Variants in PCSK2 observed in about 807,000 individuals in gnomAD.
PCSK2 encodes the protein neuroendocrine convertase 2.
In PCSK2, 14 loss-of-function variants were observed where a neutral mutation model predicts 69.7. That is an observed-to-expected ratio of 0.20 (90% CI 0.13 to 0.31). The LOEUF is 0.31. Ranked by LOEUF, PCSK2 falls within the 10% of genes least tolerant of loss-of-function variation. PCSK2 has a pLI of 1.00. For synonymous variants in PCSK2, 307 were observed against 320.7 expected, an observed-to-expected ratio of 0.96 and a Z score of 0.46; for missense variants, 544 against 842.5, an observed-to-expected ratio of 0.65 and a Z score of 4.39.
intron 1 of PCSK2, 85 bp from the exon 2 acceptor site, chr20:17,260,155 C>T (rs2122997968): frequency 2.4e-6 from 2 of 830,844 alleles, no homozygotes; most frequent in Middle Eastern, 2.3e-4. Context: ...CATGGAGCCC[C>T]TGCAAGCAGC....
intron 2 of PCSK2, among the ~76,000 whole-genome samples, chr20:17,278,818 C>T (rs189601202): frequency 4.0e-5 from 6 of 151,650 alleles, no homozygotes; most frequent in Admixed American, 3.9e-4. Context: ...AGTTCAAGAC[C>T]AGCCTGGGCA....
chr20:17,282,378 A>G (rs2123048299), intron 2 of PCSK2, among the ~76,000 whole-genome samples: 1 of 152,246 alleles, frequency 6.6e-6, no homozygotes, highest in East Asian at 1.9e-4. Flanking sequence ...TTAGTCTGCC[A>G]TTTGCACTGA....
At chr20:17,335,628 C>A (rs929341571) in intron 2 of PCSK2, among the ~76,000 whole-genome samples, 45 of 151,960 alleles carry the variant, frequency 3.0e-4, no homozygotes, top group African/African-American at 1.0e-3. Flanking sequence ...AGTGTGTAGT[C>A]TTTTATCCCT....
intron 11 of PCSK2, among the ~76,000 whole-genome samples, chr20:17,473,016 C>T (rs1214263453): frequency 1.3e-5 from 2 of 151,746 alleles, no homozygotes; most frequent in African/African-American, 4.8e-5. Flanking sequence ...CCCGACAACC[C>T]CAAGTTTGTC....
At chr20:17,449,254 C>T (rs546714920) in intron 8 of PCSK2, among the ~76,000 whole-genome samples, 7 of 152,220 alleles carry the variant, frequency 4.6e-5, no homozygotes, top group East Asian at 1.9e-4. Flanking sequence ...GAGACCCCGC[C>T]CCCCAGCAGA....
chr20:17,359,441 T>C (rs1296511434), intron 3 of PCSK2, among the ~76,000 whole-genome samples: 1 of 152,236 alleles, frequency 6.6e-6, no homozygotes, highest in African/African-American at 2.4e-5. Flanking sequence ...TAATGCTTCA[T>C]AATTGCTCAG....
At chr20:17,253,023 A>T (rs1987046507) in intron 1 of PCSK2, among the ~76,000 whole-genome samples, 1 of 152,216 alleles carries the variant, frequency 6.6e-6, no homozygotes, top group Non-Finnish European at 1.5e-5. Context: ...CTTTTCGGTG[A>T]ATCTTGGAAT....
chr20:17,292,673 A>G (rs747601562), intron 2 of PCSK2, among the ~76,000 whole-genome samples: 1 of 152,198 alleles, frequency 6.6e-6, no homozygotes, highest in Admixed American at 6.5e-5. Flanking sequence ...AGAATATGGC[A>G]TATCTCAATT....
At chr20:17,268,033 G>GTATGTATATATATATATATATATATA (rs1433692727) in intron 2 of PCSK2, among the ~76,000 whole-genome samples, 2 of 66,338 alleles carry the variant, frequency 3.0e-5, no homozygotes, top group African/African-American at 6.0e-5. Context: ...TATCCAATGT[G>GTATGTATATATATATATATATATATA]TATATATATA....
chr20:17,336,429 T>C (rs1990352799), intron 2 of PCSK2, among the ~76,000 whole-genome samples: 1 of 152,224 alleles, frequency 6.6e-6, no homozygotes, highest in Non-Finnish European at 1.5e-5. Flanking sequence ...CCTGCTTTCC[T>C]CCCCAGCACT....
intron 2 of PCSK2, among the ~76,000 whole-genome samples, chr20:17,315,933 G>C (rs1202676264): frequency 1.3e-5 from 2 of 152,210 alleles, no homozygotes; most frequent in African/African-American, 4.8e-5. Flanking sequence ...CCACTCCCCA[G>C]GGTTAAAAAT....
chr20:17,238,718 C>T (rs1487755311), intron 1 of PCSK2, among the ~76,000 whole-genome samples: 1 of 152,064 alleles, frequency 6.6e-6, no homozygotes, highest in Non-Finnish European at 1.5e-5. Context: ...TCCTGATGTG[C>T]TTTTTTGGTT....
intron 5 of PCSK2, among the ~76,000 whole-genome samples, chr20:17,378,966 G>T (rs1466731496): frequency 6.6e-6 from 1 of 151,914 alleles, no homozygotes; most frequent in Non-Finnish European, 1.5e-5. Context: ...TTTTATTTGG[G>T]TTTCTATCTC....
At chr20:17,425,875 A>T (rs546355096) in intron 6 of PCSK2, among the ~76,000 whole-genome samples, 1 of 152,156 alleles carries the variant, frequency 6.6e-6, no homozygotes, top group African/African-American at 2.4e-5. Context: ...AACAAATAGC[A>T]TTTACCCATC....
intron 5 of PCSK2, among the ~76,000 whole-genome samples, chr20:17,378,087 G>T (rs2030980433): frequency 6.6e-6 from 1 of 152,112 alleles, no homozygotes; most frequent in South Asian, 2.1e-4. Context: ...GACCTTGGGG[G>T]GTTCACATGT....
chr20:17,400,393 C>T (rs964420197), intron 5 of PCSK2, among the ~76,000 whole-genome samples: 13 of 152,090 alleles, frequency 8.5e-5, no homozygotes, highest in Non-Finnish European at 2.9e-5. Flanking sequence ...TCTGTGTGAC[C>T]TTGGGCAAAG....
chr20:17,349,079 G>A (rs972712940), intron 2 of PCSK2, among the ~76,000 whole-genome samples: 1 of 152,192 alleles, frequency 6.6e-6, no homozygotes, highest in Non-Finnish European at 1.5e-5. Context: ...GCACTGCCCA[G>A]CGCAACAGTC....
At chr20:17,365,719 CA>C (rs2123223991) in intron 4 of PCSK2, among the ~76,000 whole-genome samples, 1 of 152,294 alleles carries the variant, frequency 6.6e-6, no homozygotes, top group Non-Finnish European at 1.5e-5. Context: ...TTCCCATTCC[CA>C]AAGGGAGAAA....
intron 5 of PCSK2, among the ~76,000 whole-genome samples, chr20:17,406,001 T>C (rs1288181851): frequency 1.3e-5 from 2 of 152,224 alleles, no homozygotes; most frequent in African/African-American, 4.8e-5. Flanking sequence ...AAACAGCTAG[T>C]ATTTTCTAAA....
Sources: gnomAD v4.1 joint callset for allele counts (sites outside exome capture counted in the v4.1 genomes callset) on GRCh38, gnomAD v4.1.1 for gene constraint, MANE v1.5 for transcripts, NCBI Gene and HGNC (gene_info 2026-07-23, HGNC 2026-07-21) for gene names.